The following CCDC192 variants were observed in gnomAD, a reference collection of about 807,000 sequenced individuals.
CCDC192 encodes coiled-coil domain-containing protein 192.
chr5:127,920,583 G>A (rs1482286102), intron 6 of CCDC192, among the ~76,000 whole-genome samples: 2 of 151,626 alleles, frequency 1.3e-5, no homozygotes, highest in African/African-American at 2.4e-5. Context: ...GCTAATTTTT[G>A]TATTTTTAGT....
chr5:127,802,544 CA>C (rs1757561763), intron 5 of CCDC192, among the ~76,000 whole-genome samples: 1 of 152,154 alleles, frequency 6.6e-6, no homozygotes, highest in Non-Finnish European at 1.5e-5. Context: ...AGACTTTCCC[CA>C]TTCTTTATCA....
rs143067963 is a variant in CCDC192 at position 127,746,675 on chromosome 5, G to A, written c.115-7593G>A. 4.9e-4 allele frequency among the ~76,000 whole-genome samples: 74 copies of A among 150,360 alleles called. 1 individual carries two copies. In the East Asian group the frequency reaches 0.012, roughly 25 times the overall value. ...AAATTACTGGAACCATCAGGGATCCGAGGACAATTGGTTCACTTCCTAGTA... is the reference window on the plus strand; with the variant it reads ...AAATTACTGGAACCATCAGGGATCCAAGGACAATTGGTTCACTTCCTAGTA... On this transcript the variant is annotated intron_variant, in intron 2 of 6. Transcript: ENST00000514853.
intron 3 of CCDC192, among the ~76,000 whole-genome samples, chr5:127,758,719 G>T (rs981501422): frequency 1.3e-5 from 2 of 152,186 alleles, no homozygotes; most frequent in Non-Finnish European, 2.9e-5. Flanking sequence ...AGGGAGAAAA[G>T]CTGTTAGGAA....
At chr5:127,758,577 A>G (rs896210719) in intron 3 of CCDC192, among the ~76,000 whole-genome samples, 1 of 152,216 alleles carries the variant, frequency 6.6e-6, no homozygotes, top group African/African-American at 2.4e-5. Context: ...GGTTATAATG[A>G]TAAACCACTC....
At chr5:127,877,485 A>G (rs1180404320) in intron 6 of CCDC192, among the ~76,000 whole-genome samples, 1 of 152,164 alleles carries the variant, frequency 6.6e-6, no homozygotes, top group Non-Finnish European at 1.5e-5. Flanking sequence ...TTGGAGCTAC[A>G]TGTTGCTTCT....
At chr5:127,779,968 G>T (rs1397678093) in intron 3 of CCDC192, among the ~76,000 whole-genome samples, 1 of 151,828 alleles carries the variant, frequency 6.6e-6, no homozygotes. Flanking sequence ...CCATGTATCA[G>T]TGAGAACATA....
chr5:127,752,443 A>G (rs1754249669), intron 2 of CCDC192, among the ~76,000 whole-genome samples: 1 of 152,084 alleles, frequency 6.6e-6, no homozygotes. Flanking sequence ...GGGGTCAGGG[A>G]CCCACTTGAG....
intron 5 of CCDC192, among the ~76,000 whole-genome samples, chr5:127,807,278 C>T (rs1757842675): frequency 6.6e-6 from 1 of 152,150 alleles, no homozygotes; most frequent in African/African-American, 2.4e-5. Context: ...CTCATGTTAG[C>T]TGCCTATTTA....
intron 6 of CCDC192, among the ~76,000 whole-genome samples, chr5:127,909,820 G>T (rs979612603): frequency 6.6e-6 from 1 of 152,152 alleles, no homozygotes; most frequent in South Asian, 2.1e-4. Context: ...AGTGTTCAAA[G>T]CTTGACAGAA....
intron 6 of CCDC192, among the ~76,000 whole-genome samples, chr5:127,906,670 C>T (rs1349297231): frequency 6.6e-6 from 1 of 152,000 alleles, no homozygotes; most frequent in Non-Finnish European, 1.5e-5. Context: ...TCTGTGGTCC[C>T]AGCTACTTGG....
intron 3 of CCDC192, among the ~76,000 whole-genome samples, chr5:127,784,280 A>G (rs1756410071): frequency 6.6e-6 from 1 of 152,234 alleles, no homozygotes; most frequent in Non-Finnish European, 1.5e-5. Flanking sequence ...AGTGCTGCCA[A>G]TATGACAAGT....
At chr5:127,713,813 G>T (rs1297434158) in intron 2 of CCDC192, among the ~76,000 whole-genome samples, 4 of 152,264 alleles carry the variant, frequency 2.6e-5, no homozygotes, top group Admixed American at 2.6e-4. Context: ...AGGATAATTA[G>T]CATATCTATT....
intron 5 of CCDC192, among the ~76,000 whole-genome samples, chr5:127,857,164 A>G (rs141673530): frequency 1.6e-4 from 24 of 152,304 alleles, no homozygotes; most frequent in African/African-American, 5.8e-4. Flanking sequence ...TCTCCATGAT[A>G]CCAACAATAA....
intron 5 of CCDC192, among the ~76,000 whole-genome samples, chr5:127,853,274 C>T (rs1286592282): frequency 6.6e-6 from 1 of 152,078 alleles, no homozygotes; most frequent in African/African-American, 2.4e-5. Flanking sequence ...CCTCAGTATC[C>T]CTTAGAAACA....
intron 2 of CCDC192, 119 bp downstream of exon 2, chr5:127,707,879 G>C (rs115272850): frequency 6.3e-4 from 235 of 372,596 alleles, no homozygotes; most frequent in African/African-American, 4.6e-3. Context: ...CATTTTACTA[G>C]TAAAGATTTT....
chr5:127,764,788 A>G (rs1015278482), intron 3 of CCDC192, among the ~76,000 whole-genome samples: 3 of 152,162 alleles, frequency 2.0e-5, no homozygotes, highest in Non-Finnish European at 4.4e-5. Context: ...AAAGTTTACC[A>G]ATGTGTATTG....
chr5:127,720,798 G>A (rs908707386), intron 2 of CCDC192, among the ~76,000 whole-genome samples: 1 of 152,154 alleles, frequency 6.6e-6, no homozygotes, highest in African/African-American at 2.4e-5. Context: ...AGCCTCCAAG[G>A]CTTACAACTT....
chr5:127,883,578 A>G (rs903685498), intron 6 of CCDC192, among the ~76,000 whole-genome samples: 4 of 152,212 alleles, frequency 2.6e-5, no homozygotes, highest in African/African-American at 9.6e-5. Flanking sequence ...CTATATCCCT[A>G]AACCAAAATC....
Position 127,754,693 on chromosome 5 carries a change from C to A in CCDC192, c.222+318C>A, listed in dbSNP as rs138886518. ...GGCAAACCTTCTTTAACTAAGTGAT[C>A]TTCCTGAATAAGCAAAGCATATTTG... On this transcript the variant is annotated intron_variant, in intron 3 of 6. Transcript: ENST00000514853. Among the ~76,000 whole-genome samples the A allele has an allele frequency of 1.4e-3, 213 of 152,322 alleles. 5 individuals carry two copies. In the East Asian group the frequency reaches 0.028, roughly 20 times the overall value.
Sources: allele counts gnomAD v4.1 joint callset (sites outside exome capture counted in the v4.1 genomes callset), GRCh38; gene constraint gnomAD v4.1.1; transcripts MANE v1.5; gene names NCBI Gene and HGNC (gene_info 2026-07-23, HGNC 2026-07-21).